Variants in LIPE observed in about 807,000 individuals in gnomAD.
LIPE encodes lipase E, hormone sensitive type.
In LIPE, 66 loss-of-function variants were observed where a neutral mutation model predicts 88.5. The ratio of observed to expected loss-of-function variants is 0.75; its 90% CI spans 0.61 to 0.91. The LOEUF (loss-of-function observed/expected upper bound fraction) is 0.91. Ranked by LOEUF, LIPE falls within the 40% of genes least tolerant of loss-of-function variation. The probability of loss-of-function intolerance (pLI) is 0.00; values close to 1 mark genes in which losing one functional copy is unlikely to be tolerated. For missense variants in LIPE, 1,346 were observed against 1,434.7 expected, an observed-to-expected ratio of 0.94 and a Z score of 1.00; for synonymous variants, 570 against 617.5, an observed-to-expected ratio of 0.92 and a Z score of 1.14.
chr19:42,426,254 G>C lies in LIPE; in HGVS notation c.883+13C>G, dbSNP rs765328616. ...TCCCTGAGAGGCTTCAATTCCTCCA[G>C]ATTCACACTCACCTGTATCCTGGTA... On this transcript the variant is annotated intron_variant, in intron 1 of 9. Coordinates refer to ENST00000244289, the MANE Select transcript of LIPE (RefSeq NM_005357.4). 6.3e-7 allele frequency: 1 copy of C among 1,587,532 alleles called. No individual in the cohort carries two copies. Among genetic ancestry groups the C allele is most frequent in the East Asian group, 2.3e-5 (1 of 44,182 alleles).
chr19:42,421,542 G>A (rs2040598077), intron 1 of LIPE, among the ~76,000 whole-genome samples: 1 of 152,242 alleles, frequency 6.6e-6, no homozygotes. Flanking sequence ...AGTGTTCAGT[G>A]AATGTCTGCT....
chr19:42,425,724 C>T (rs935060453), intron 1 of LIPE, among the ~76,000 whole-genome samples: 2 of 152,094 alleles, frequency 1.3e-5, no homozygotes, highest in African/African-American at 4.8e-5. Context: ...GTATGAGGAT[C>T]GCTTGAGCCC....
rs199985542 is a variant in LIPE, at chr19:42,402,714, C to T, written c.2860G>A (p.Ala954Thr). The change falls in exon 9 of 10, where the codon GCC becomes ACC. Residue 954 changes from alanine (A) to threonine (T), a missense_variant. Transcript: ENST00000244289. ...GFHPRRSSQGATQMPLYSSPI... is the reference protein window; with the variant it reads ...GFHPRRSSQGTTQMPLYSSPI... Reference sequence around the variant, plus strand: ...GAGGAGTAGAGGGGCATCTGTGTGGCACCCTGGCTGGAGCGTCGGGGGTGG... The same window carrying T: ...GAGGAGTAGAGGGGCATCTGTGTGGTACCCTGGCTGGAGCGTCGGGGGTGG... 9 of 1,546,792 alleles carry T rather than the reference C, an allele frequency of 5.8e-6. No homozygotes were observed. The Admixed American group carries it at 1.1e-4, about 20-fold the overall frequency.
At position 42,410,383 on chromosome 19, in the gene LIPE, C is replaced by G; in HGVS notation, c.1343G>C (p.Gly448Ala). The G allele has an allele frequency of 6.2e-7, 1 of 1,614,082 alleles. No individual in the cohort carries two copies. The highest frequency in any genetic ancestry group is 8.5e-7 in the Non-Finnish European group (1 of 1,179,958). The change falls in exon 2 of 10, where the codon GGG becomes GCG. Residue 448 changes from glycine to alanine, a missense_variant. Coordinates refer to ENST00000244289, the MANE Select transcript of LIPE (RefSeq NM_005357.4). This position sits in a 1 kb window ranked among gnomAD's most constrained non-coding sequence, Gnocchi z 6.1. Reference sequence around the variant, plus strand: ...CTCCCGGAGGAAGTCGGCGGTGAGCCCCTCGTCGCCCTCAAAGAAGAGTAC... The same window carrying G: ...CTCCCGGAGGAAGTCGGCGGTGAGCGCCTCGTCGCCCTCAAAGAAGAGTAC... ...PGVLFFEGDE[G>A]LTADFLREYV...
intron 1 of LIPE, chr19:42,411,424 A>G: frequency 1.4e-6 from 1 of 703,304 alleles, no homozygotes; most frequent in Non-Finnish European, 1.7e-6. Context: ...CTCAGGACCC[A>G]GGAGTCCGGG....
chr19:42,406,294 C>A lies in LIPE; in HGVS notation c.2232G>T (p.Arg744=). Residue 744 remains arginine, a synonymous_variant, in exon 7 of 10, where the codon CGG becomes CGT. Transcript: ENST00000244289. The surrounding 1 kb of genome is among the most constrained non-coding windows in gnomAD (Gnocchi z 5.7). The stretch of plus-strand genomic sequence containing the variant: ...AGGCTGCCATGATGCCATCTGGCAC[C>A]CGCACCCCGTAGGCTGCTGCCCGAA... ...VALRAAAYGV[R]VPDGIMAAYP... 6 of 1,614,084 alleles carry A rather than the reference C, an allele frequency of 3.7e-6. No individual in the cohort carries two copies. Among genetic ancestry groups the A allele is most frequent in the Non-Finnish European group, 5.1e-6 (6 of 1,179,994 alleles).
At chr19:42,411,900 T>A (rs2040385657) in intron 1 of LIPE, among the ~76,000 whole-genome samples, 1 of 152,218 alleles carries the variant, frequency 6.6e-6, no homozygotes. Context: ...CCACACCACC[T>A]AGGTTCAAAT....
Position 42,401,946 on chromosome 19 carries a change from A to G in LIPE, c.3097T>C (p.Cys1033Arg), listed in dbSNP as rs982889538. The G allele has an allele frequency of 7.7e-6, 12 of 1,556,982 alleles. No homozygotes were observed. Among genetic ancestry groups the G allele is most frequent in the Non-Finnish European group, 1.0e-5 (12 of 1,155,526 alleles). ...TCTGCGGCCTGGCGCGTCTCGCGGC[A>G]CAGCGCCGCTAGGGTCAGGAAGCCG... is the stretch of plus-strand genomic sequence containing the variant. ...PHGFLTLAALCRETRQAAELC... is the reference protein window; with the variant it reads ...PHGFLTLAALRRETRQAAELC... The change falls in exon 10 of 10, where the codon TGC becomes CGC. Residue 1033 changes from cysteine to arginine, a missense_variant. Coordinates refer to ENST00000244289, the MANE Select transcript of LIPE (RefSeq NM_005357.4).
intron 1 of LIPE, chr19:42,424,295 ATGCT>A (rs1426073072): frequency 3.2e-5 from 15 of 464,776 alleles, no homozygotes; most frequent in Non-Finnish European, 6.0e-5. Context: ...GGAACGACGC[ATGCT>A]TGAGAAATGG....
At chr19:42,426,214 G>A (rs775099165) in intron 1 of LIPE, 53 bp downstream of exon 1, 272 of 1,437,226 alleles carry the variant, frequency 1.9e-4, no homozygotes, top group Middle Eastern at 7.7e-4. Flanking sequence ...TATTTTTTAA[G>A]TAAATGAATG....
chr19:42,423,839 G>C, intron 1 of LIPE: 2 of 1,108,796 alleles, frequency 1.8e-6, no homozygotes, highest in Non-Finnish European at 2.2e-6. Context: ...GAGCCCCGCG[G>C]GGAGCACCCC....
rs1466827184 is a variant in LIPE, at chr19:42,407,271, G to A, written c.2040C>T (p.Ser680=). ...CCTCAGGGGCCAGGGAGTAGTCGAT[G>A]GAGATGATGGGGGCGCCCAGCTCCT... is the stretch of plus-strand genomic sequence containing the variant. ...WAQELGAPII[S]IDYSLAPEAP... is the part of the protein sequence containing the mutation. The change falls in exon 6 of 10, where the codon TCC becomes TCT. Residue 680 remains serine (S), a synonymous_variant. Coordinates refer to ENST00000244289, the MANE Select transcript of LIPE (RefSeq NM_005357.4). This position sits in a 1 kb window ranked among gnomAD's most constrained non-coding sequence, Gnocchi z 5.8. 2 of 1,606,360 alleles carry A rather than the reference G, an allele frequency of 1.2e-6. No individual in the cohort carries two copies. Among genetic ancestry groups the A allele is most frequent in the South Asian group, 2.2e-5 (2 of 89,890 alleles).
chr19:42,426,543 C>T lies in LIPE; in HGVS notation c.607G>A (p.Glu203Lys). 6.2e-7 allele frequency: 1 copy of T among 1,614,216 alleles called. No homozygotes were observed. The highest frequency in any genetic ancestry group is 8.5e-7 in the Non-Finnish European group (1 of 1,180,044). Residue 203 changes from glutamate to lysine, a missense_variant, in exon 1 of 10, where the codon GAG becomes AAG. Transcript: ENST00000244289. ...GAKSKQGSLTELGFLTKLQEL... is the reference protein window; with the variant it reads ...GAKSKQGSLTKLGFLTKLQEL... ...TGAAGTTTTGTTAGAAATCCCAGCT[C>T]TGTCAAAGATCCCTGCTTGGATTTG...
rs758963982 is a variant in LIPE at position 42,426,271 on chromosome 19, A to G, written c.879T>C (p.Asp293=). The G allele has an allele frequency of 2.1e-5, 33 of 1,599,336 alleles. No individual in the cohort carries two copies. The highest frequency in any genetic ancestry group is 5.0e-5 in the Admixed American group (3 of 59,762). Residue 293 remains aspartate, a synonymous_variant, in exon 1 of 10, where the codon GAT becomes GAC. Transcript: ENST00000244289. ...TTCCTCCAGATTCACACTCACCTGT[A>G]TCCTGGTAGTGTCTGTGATTCCGAG... ...TSARNHRHYQ[D]TASRLIHNMD...
intron 1 of LIPE, chr19:42,424,609 T>C (rs930858213): frequency 8.8e-6 from 4 of 456,200 alleles, no homozygotes; most frequent in African/African-American, 2.0e-5. Flanking sequence ...TACTCTCTTA[T>C]CAGCTGTGGG....
chr19:42,410,472 G>C lies in LIPE; in HGVS notation c.1254C>G (p.Ala418=), dbSNP rs756604051. Reference sequence around the variant, plus strand: ...AGACCAGAGCGCGGAGCTGGGTGAGGGCAGCCAGGTAGGCCTCCAGCTCGG... The same window carrying C: ...AGACCAGAGCGCGGAGCTGGGTGAGCGCAGCCAGGTAGGCCTCCAGCTCGG... The part of the protein sequence containing the change: ...NLAELEAYLA[A]LTQLRALVYY... Residue 418 remains alanine (A), a synonymous_variant, in exon 2 of 10, where the codon GCC becomes GCG. Coordinates refer to ENST00000244289, the MANE Select transcript of LIPE (RefSeq NM_005357.4). The surrounding 1 kb of genome is among the most constrained non-coding windows in gnomAD (Gnocchi z 6.1). 6.2e-7 allele frequency: 1 copy of C among 1,614,080 alleles called. No homozygotes were observed. Among genetic ancestry groups the C allele is most frequent in the Admixed American group, 1.7e-5 (1 of 60,032 alleles).
rs2040712794 is a variant in LIPE at position 42,426,630 on chromosome 19, C to G, written c.520G>C (p.Glu174Gln). The stretch of plus-strand genomic sequence containing the variant: ...TCAGGTGTCTCTTGGGACGTAGATT[C>G]AGTCGGGGCAGATGGCTCCCTTTTG... ...GAKREPSAPT[E>Q]STSQETPEQS... The change falls in exon 1 of 10, where the codon GAA becomes CAA. Residue 174 changes from glutamate (E) to glutamine (Q), a missense_variant. Glu to Gln is a conservative substitution (Grantham distance 29). Transcript: ENST00000244289. 7 of 1,614,218 alleles carry G rather than the reference C, an allele frequency of 4.3e-6. No homozygotes were observed. The highest frequency in any genetic ancestry group is 5.9e-6 in the Non-Finnish European group (7 of 1,180,052).
intron 1 of LIPE, among the ~76,000 whole-genome samples, chr19:42,425,567 T>C (rs1347379552): frequency 1.3e-5 from 2 of 152,084 alleles, no homozygotes; most frequent in Non-Finnish European, 2.9e-5. Flanking sequence ...ATCTCAGCAC[T>C]TTGGGAAGCT....
At chr19:42,413,260 C>T (rs942576250) in intron 1 of LIPE, among the ~76,000 whole-genome samples, 1 of 152,218 alleles carries the variant, frequency 6.6e-6, no homozygotes, top group African/African-American at 2.4e-5. Context: ...AATTTGTTTA[C>T]GTGTTTGTTC....
Sources: allele counts gnomAD v4.1 joint callset (sites outside exome capture counted in the v4.1 genomes callset), GRCh38; gene constraint gnomAD v4.1.1; non-coding constraint Gnocchi (gnomAD v3.1); transcripts MANE v1.5; gene names NCBI Gene and HGNC (gene_info 2026-07-23, HGNC 2026-07-21).